Variants in NRG3 observed in about 807,000 individuals in gnomAD.
NRG3 encodes neuregulin 3.
Under a neutral mutation model 66.9 loss-of-function variants are expected in NRG3, and 31 were observed. The ratio of observed to expected loss-of-function variants is 0.46; its 90% CI spans 0.35 to 0.63. NRG3 has a LOEUF of 0.63. NRG3 is among the 20% of genes least tolerant of loss of function. The pLI, the probability that NRG3 is intolerant of heterozygous loss-of-function variation, is 0.00. For synonymous variants in NRG3, 393 were observed against 359.4 expected (o/e 1.09, Z -1.06); for missense variants, 910 against 878.9 (o/e 1.04, Z -0.45).
At chr10:82,897,728 C>T (rs894147827) in intron 4 of NRG3, among the ~76,000 whole-genome samples, 2 of 152,118 alleles carry the variant, frequency 1.3e-5, no homozygotes, top group African/African-American at 4.8e-5. Context: ...CCATGTTGGC[C>T]AGACTGGTCT....
chr10:81,971,669 C>T (rs2059939055), intron 1 of NRG3, among the ~76,000 whole-genome samples: 2 of 152,182 alleles, frequency 1.3e-5, no homozygotes, highest in South Asian at 4.1e-4. Context: ...ATTGTGCCAG[C>T]CTACTGCTTT....
intron 2 of NRG3, among the ~76,000 whole-genome samples, chr10:82,700,576 T>A (rs2055790922): frequency 6.6e-6 from 1 of 152,174 alleles, no homozygotes; most frequent in Admixed American, 6.6e-5. Context: ...TCAGATCACT[T>A]TTGGTAGGTG....
At chr10:82,356,866 T>C (rs116558360) in intron 1 of NRG3, among the ~76,000 whole-genome samples, 5,694 of 152,330 alleles carry the variant, frequency 0.037, 168 homozygotes, top group African/African-American at 0.085. Flanking sequence ...TTTTTAATTA[T>C]AGCTTTCATT....
intron 3 of NRG3, among the ~76,000 whole-genome samples, chr10:82,800,096 C>T (rs566940912): frequency 6.6e-5 from 10 of 152,170 alleles, no homozygotes; most frequent in Admixed American, 3.3e-4. Flanking sequence ...GGATTTATAG[C>T]CGGTTTCTGA....
intron 2 of NRG3, among the ~76,000 whole-genome samples, chr10:82,389,683 A>G (rs1420819760): frequency 6.6e-6 from 1 of 152,190 alleles, no homozygotes; most frequent in Non-Finnish European, 1.5e-5. Context: ...AATCAACATT[A>G]CAGGTAATAT....
intron 2 of NRG3, among the ~76,000 whole-genome samples, chr10:82,508,670 T>G (rs942492711): frequency 2.6e-5 from 4 of 152,218 alleles, no homozygotes; most frequent in Non-Finnish European, 5.9e-5. Flanking sequence ...TCTGCTGACT[T>G]GAATTCAAAG....
In NRG3 at chr10:82,177,784, T is replaced by G. The variant is rs1418321904; in HGVS notation, c.824-180955T>G. Among the ~76,000 whole-genome samples, 3 of 152,068 alleles carry G rather than the reference T, an allele frequency of 2.0e-5. No individual in the cohort carries two copies. In the East Asian group the frequency reaches 5.8e-4, roughly 29 times the overall value. ...AGAGACAGAATCTTGTTATTAAACA[T>G]GAACAAATGGGATAAACTAAAAGAA... On this transcript the variant is annotated intron_variant, in intron 1 of 8. Transcript: ENST00000372141.
At chr10:82,473,890 CAA>C (rs967029959) in intron 2 of NRG3, among the ~76,000 whole-genome samples, 1 of 152,108 alleles carries the variant, frequency 6.6e-6, no homozygotes, top group African/African-American at 2.4e-5. Context: ...ACCCCTGAGA[CAA>C]GAGATTGCCT....
At chr10:82,719,364 A>T (rs1023721010) in intron 2 of NRG3, among the ~76,000 whole-genome samples, 6 of 152,224 alleles carry the variant, frequency 3.9e-5, no homozygotes, top group Non-Finnish European at 5.9e-5. Flanking sequence ...TTTATGTTCT[A>T]TAGATAAAGA....
At chr10:82,831,732 T>A (rs2062534842) in intron 3 of NRG3, among the ~76,000 whole-genome samples, 1 of 152,140 alleles carries the variant, frequency 6.6e-6, no homozygotes. Flanking sequence ...GAGGATTGCT[T>A]GAATCTGAGA....
chr10:82,829,363 G>C (rs899361725), intron 3 of NRG3, among the ~76,000 whole-genome samples: 3 of 152,172 alleles, frequency 2.0e-5, no homozygotes, highest in African/African-American at 7.2e-5. Flanking sequence ...ATCTGCAGAT[G>C]AGGTCTGGAA....
chr10:82,802,262 G>C (rs185088507), intron 3 of NRG3, among the ~76,000 whole-genome samples: 4 of 152,302 alleles, frequency 2.6e-5, no homozygotes, highest in Admixed American at 2.6e-4. Flanking sequence ...TGCCACAAAT[G>C]AGTAGCATCT....
At chr10:82,749,411 G>A (rs1437750636) in intron 3 of NRG3, among the ~76,000 whole-genome samples, 3 of 152,070 alleles carry the variant, frequency 2.0e-5, no homozygotes, top group African/African-American at 7.2e-5. Flanking sequence ...CAGGACAAAT[G>A]CCTAAGTTTC....
At chr10:82,420,096 T>C (rs908827814) in intron 2 of NRG3, among the ~76,000 whole-genome samples, 4 of 152,188 alleles carry the variant, frequency 2.6e-5, no homozygotes, top group African/African-American at 7.2e-5. Context: ...AAGGACCTGG[T>C]AGAGTACTTC....
chr10:82,282,394 T>A (rs1017846281), intron 1 of NRG3, among the ~76,000 whole-genome samples: 1 of 152,056 alleles, frequency 6.6e-6, no homozygotes, highest in African/African-American at 2.4e-5. Context: ...TCTTGAAAAG[T>A]CACTTCCTTT....
rs1008813171 is a variant in NRG3 at position 81,965,402 on chromosome 10, T to G, written c.823+89239T>G. On this transcript the variant is annotated intron_variant, in intron 1 of 8. Transcript: ENST00000372141. ...AGTTTATATTCTTTCTTTTGTAGAT[T>G]TAATAGAGTTTATATTTTTTCTTTT... Among the ~76,000 whole-genome samples the G allele has an allele frequency of 2.6e-5, 4 of 152,284 alleles. No homozygotes were observed. The East Asian group carries it at 5.8e-4, about 22-fold the overall frequency.
At chr10:81,952,687 C>G (rs974076349) in intron 1 of NRG3, among the ~76,000 whole-genome samples, 2 of 152,036 alleles carry the variant, frequency 1.3e-5, no homozygotes, top group Admixed American at 6.6e-5. Context: ...TGAATGGAGC[C>G]TTGAACTCCT....
intron 2 of NRG3, among the ~76,000 whole-genome samples, chr10:82,721,123 C>CTTT (rs531541747): frequency 8.4e-5 from 4 of 47,864 alleles, no homozygotes; most frequent in Admixed American, 3.6e-4. Context: ...GAGTTTCACC[C>CTTT]TTTTTTTTTT....
chr10:82,277,537 T>C (rs935401617), intron 1 of NRG3, among the ~76,000 whole-genome samples: 1 of 152,112 alleles, frequency 6.6e-6, no homozygotes, highest in Non-Finnish European at 1.5e-5. Context: ...AATAAGGGAA[T>C]ATGGTAAAAT....
Sources: gnomAD v4.1 joint callset for allele counts (sites outside exome capture counted in the v4.1 genomes callset) on GRCh38, gnomAD v4.1.1 for gene constraint, MANE v1.5 for transcripts, NCBI Gene and HGNC (gene_info 2026-07-23, HGNC 2026-07-21) for gene names.